The following FIG4 variants were observed in gnomAD, a reference collection of about 807,000 sequenced individuals.
FIG4 encodes the protein polyphosphoinositide phosphatase.
Under a neutral mutation model 118.6 loss-of-function variants are expected in FIG4, and 112 were observed. That is an observed-to-expected ratio of 0.94 (90% CI 0.81 to 1.11). FIG4 has a LOEUF of 1.11. Ranked by LOEUF, FIG4 falls within the 50% of genes least tolerant of loss-of-function variation. The pLI is 0.00. For synonymous variants in FIG4, 369 were observed against 381.2 expected (o/e 0.97, Z 0.37); for missense variants, 969 against 1,111.7 (o/e 0.87, Z 1.83).
chr6:109,710,559 A>C (rs977097836), intron 1 of FIG4, among the ~76,000 whole-genome samples: 6 of 152,168 alleles, frequency 3.9e-5, no homozygotes, highest in Admixed American at 2.6e-4. Context: ...CATCTTCTAG[A>C]ATTCAGCTTG....
At chr6:109,746,361 A>G (rs1238016681) in intron 10 of FIG4, among the ~76,000 whole-genome samples, 8 of 152,186 alleles carry the variant, frequency 5.3e-5, no homozygotes, top group Non-Finnish European at 1.2e-4. Context: ...AATATAAGGT[A>G]AATGGTGCAA....
At chr6:109,713,013 T>C (rs539315312) in intron 1 of FIG4, among the ~76,000 whole-genome samples, 34 of 152,320 alleles carry the variant, frequency 2.2e-4, no homozygotes, top group African/African-American at 7.9e-4. Context: ...AACGTTCAGC[T>C]GCCAACTCCT....
At chr6:109,819,633 T>C (rs973688520) in intron 22 of FIG4, among the ~76,000 whole-genome samples, 2 of 152,064 alleles carry the variant, frequency 1.3e-5, no homozygotes, top group African/African-American at 4.8e-5. Flanking sequence ...CACGAGCTGC[T>C]ATTTTGTGTA....
At position 109,778,699 on chromosome 6, in the gene FIG4, C is replaced by T. The variant is rs554024864; in HGVS notation, c.1889+1639C>T. 7.5e-4 allele frequency among the ~76,000 whole-genome samples: 114 copies of T among 152,044 alleles called. 2 individuals carry two copies. The South Asian group carries it at 0.022, about 29-fold the overall frequency. ...CTGCAAGCTCTGCCTCCCGGGTTCA[C>T]GCCATTCTCCTGCCTCGGCCTCCCG... On this transcript the variant is annotated intron_variant, in intron 16 of 22. Coordinates refer to ENST00000230124, the MANE Select transcript of FIG4 (RefSeq NM_014845.6).
chr6:109,813,075 GT>G (rs1203271759), intron 22 of FIG4, among the ~76,000 whole-genome samples: 4 of 152,174 alleles, frequency 2.6e-5, no homozygotes, highest in Admixed American at 6.5e-5. Flanking sequence ...AAAAGTAGCA[GT>G]TTCATATAAT....
At chr6:109,702,375 G>T (rs1774932702) in intron 1 of FIG4, among the ~76,000 whole-genome samples, 2 of 152,128 alleles carry the variant, frequency 1.3e-5, no homozygotes, top group Non-Finnish European at 2.9e-5. Context: ...TATTGAAATT[G>T]TAAGCTTTTG....
intron 1 of FIG4, among the ~76,000 whole-genome samples, chr6:109,711,529 C>CT (rs766699583): frequency 5.0e-4 from 75 of 151,460 alleles, no homozygotes; most frequent in Non-Finnish European, 4.7e-4. Context: ...CATTCTTTGT[C>CT]TTTTTTTTTA....
chr6:109,796,190 C>T (rs749217791), intron 21 of FIG4, among the ~76,000 whole-genome samples: 42 of 152,308 alleles, frequency 2.8e-4, no homozygotes, highest in Non-Finnish European at 5.6e-4. Flanking sequence ...GTGGGTCTCC[C>T]CAACCTTGGT....
chr6:109,722,186 C>G (rs1775632076), intron 3 of FIG4, among the ~76,000 whole-genome samples: 1 of 151,418 alleles, frequency 6.6e-6, no homozygotes, highest in African/African-American at 2.4e-5. Context: ...TCCTTCCTTC[C>G]CATTCCTGTG....
intron 5 of FIG4, among the ~76,000 whole-genome samples, chr6:109,734,564 T>C (rs1221891917): frequency 1.3e-5 from 2 of 151,888 alleles, no homozygotes; most frequent in Non-Finnish European, 2.9e-5. Flanking sequence ...AAAGGTATTA[T>C]GTGAGATCAA....
chr6:109,791,859 A>T (rs951488848), intron 20 of FIG4, among the ~76,000 whole-genome samples: 3 of 152,160 alleles, frequency 2.0e-5, no homozygotes, highest in Admixed American at 6.5e-5. Flanking sequence ...AGGTCCATTT[A>T]TTCTCTTACT....
In FIG4 at chr6:109,721,159, T is replaced by C. The variant is rs569515915; in HGVS notation, c.289+4591T>C. The stretch of plus-strand genomic sequence containing the variant: ...TACACTGTGATGGACTAAGCTATTG[T>C]TTAAAACAATACCCTTACAAATAGA... On this transcript the variant is annotated intron_variant, in intron 3 of 22. Transcript: ENST00000230124. Among the ~76,000 whole-genome samples the C allele has an allele frequency of 2.0e-5, 3 of 152,226 alleles. No homozygotes were observed. In the South Asian group the frequency reaches 6.2e-4, roughly 32 times the overall value.
At chr6:109,795,043 A>G (rs1199552211) in intron 21 of FIG4, among the ~76,000 whole-genome samples, 1 of 137,808 alleles carries the variant, frequency 7.3e-6, no homozygotes, top group Admixed American at 7.6e-5. Context: ...TTGCTATTTT[A>G]CCAGACCTGA....
At chr6:109,780,273 G>A (rs1005753998) in intron 16 of FIG4, among the ~76,000 whole-genome samples, 6 of 152,190 alleles carry the variant, frequency 3.9e-5, no homozygotes, top group African/African-American at 1.2e-4. Flanking sequence ...GTGCAGTGGC[G>A]TGATCTCGGC....
At chr6:109,753,240 T>C (rs1409806278) in intron 10 of FIG4, among the ~76,000 whole-genome samples, 2 of 152,036 alleles carry the variant, frequency 1.3e-5, no homozygotes, top group Non-Finnish European at 2.9e-5. Context: ...GTGTTCAGGG[T>C]GGTATGGCCG....
At chr6:109,797,483 A>G (rs369569626) in intron 22 of FIG4, among the ~76,000 whole-genome samples, 67 of 152,306 alleles carry the variant, frequency 4.4e-4, no homozygotes, top group African/African-American at 1.4e-3. Context: ...TGTGATCACC[A>G]TCATCATCCT....
intron 18 of FIG4, among the ~76,000 whole-genome samples, chr6:109,788,766 C>T (rs1488329199): frequency 3.9e-5 from 6 of 152,178 alleles, no homozygotes; most frequent in African/African-American, 1.2e-4. Flanking sequence ...ATCAAGATTA[C>T]TTTCTTTTCC....
At chr6:109,779,564 C>T (rs1398214780) in intron 16 of FIG4, among the ~76,000 whole-genome samples, 2 of 152,116 alleles carry the variant, frequency 1.3e-5, no homozygotes, top group Admixed American at 6.6e-5. Context: ...ATTTAGGTCT[C>T]CTTTTTCTGT....
At chr6:109,821,800 A>G (rs1474969679) in intron 22 of FIG4, among the ~76,000 whole-genome samples, 1 of 152,244 alleles carries the variant, frequency 6.6e-6, no homozygotes, top group Non-Finnish European at 1.5e-5. Flanking sequence ...TTTGAACTGC[A>G]TCTTGACTAT....
Sources: allele counts gnomAD v4.1 joint callset (sites outside exome capture counted in the v4.1 genomes callset), GRCh38; gene constraint gnomAD v4.1.1; transcripts MANE v1.5; gene names NCBI Gene and HGNC (gene_info 2026-07-23, HGNC 2026-07-21).